Variants in PINX1 observed in about 807,000 individuals in gnomAD.
PINX1 encodes PIN2 (TERF1) interacting telomerase inhibitor 1.
PINX1 carries 34 observed loss-of-function variants against 25.4 expected under a neutral mutation model. The observed-to-expected ratio is 1.34, with a 90% CI of 1.02 to 1.78. The LOEUF is 1.78. PINX1 is among the 40% of genes most tolerant of loss of function. The pLI is 0.00. For synonymous variants in PINX1, 197 were observed against 147.7 expected, an observed-to-expected ratio of 1.33 and a Z score of -2.42; for missense variants, 592 against 404.9, an observed-to-expected ratio of 1.46 and a Z score of -3.97.
chr8:10,822,698 T>C (rs1055466326), intron 5 of PINX1, among the ~76,000 whole-genome samples: 1 of 152,174 alleles, frequency 6.6e-6, no homozygotes, highest in Non-Finnish European at 1.5e-5. Context: ...AAACTTTCAT[T>C]GACACGAGAA....
chr8:10,821,190 C>T (rs915324523), intron 5 of PINX1, among the ~76,000 whole-genome samples: 3 of 152,222 alleles, frequency 2.0e-5, no homozygotes, highest in East Asian at 1.9e-4. Context: ...CGAGTTCCAC[C>T]GTCACAGACT....
rs746601664 is a variant in PINX1 at position 10,826,187 on chromosome 8, G to A, written c.359C>T (p.Ser120Phe). 1.3e-6 allele frequency: 2 copies of A among 1,594,362 alleles called. No individual in the cohort carries two copies. Among genetic ancestry groups the A allele is most frequent in the Non-Finnish European group, 8.6e-7 (1 of 1,165,824 alleles). ...TTTCATATAGTGAACACGGTTTTTG[G>A]AGATTTTGGACTTTTCCTCAAGGCT... is the stretch of plus-strand genomic sequence containing the variant. ...SFSLEEKSKI[S>F]KNRVHYMKFT... The change falls in exon 5 of 7, where the codon TCC becomes TTC. Residue 120 changes from serine (S) to phenylalanine (F), a missense_variant. By Grantham distance (155) the Ser-to-Phe change is radical (BLOSUM62 -2). Coordinates refer to ENST00000314787, the MANE Select transcript of PINX1 (RefSeq NM_017884.6).
chr8:10,772,023 T>C (rs1008006953), intron 6 of PINX1, among the ~76,000 whole-genome samples: 10 of 152,172 alleles, frequency 6.6e-5, no homozygotes, highest in Non-Finnish European at 1.3e-4. Context: ...GACAAGTCAA[T>C]TGGAAAAAAG....
intron 5 of PINX1, among the ~76,000 whole-genome samples, chr8:10,820,770 TAACTC>T (rs1474024683): frequency 1.3e-5 from 2 of 152,276 alleles, no homozygotes; most frequent in Non-Finnish European, 2.9e-5. Flanking sequence ...TCTTAATAAT[TAACTC>T]AACAAATAAA....
intron 6 of PINX1, among the ~76,000 whole-genome samples, chr8:10,785,664 A>T (rs910755507): frequency 6.6e-6 from 1 of 152,206 alleles, no homozygotes; most frequent in South Asian, 2.1e-4. Context: ...CAAACCCCAA[A>T]CTCAAATAAG....
chr8:10,778,530 C>A lies in PINX1; in HGVS notation c.472-12614G>T, dbSNP rs917356516. ...CCTTACTTTCTAACGGAGCACTTTT[C>A]CAATGCCAGCATGTTGTTTTATGAA... On this transcript the variant is annotated intron_variant, in intron 6 of 6. Transcript: ENST00000314787. Among the ~76,000 whole-genome samples, 18 of 152,240 alleles carry A rather than the reference C, an allele frequency of 1.2e-4. 2 individuals carry two copies. The highest frequency in any genetic ancestry group is 9.2e-4 in the Admixed American group (14 of 15,296).
intron 6 of PINX1, among the ~76,000 whole-genome samples, chr8:10,784,426 C>T (rs938885327): frequency 2.7e-4 from 41 of 152,164 alleles, no homozygotes; most frequent in African/African-American, 9.2e-4. Context: ...CAAGTTTCAG[C>T]GCTACCTAGA....
intron 6 of PINX1, among the ~76,000 whole-genome samples, chr8:10,802,371 A>AGG (rs1802293409): frequency 6.6e-6 from 1 of 152,190 alleles, no homozygotes; most frequent in South Asian, 2.1e-4. Flanking sequence ...ACTTCACCCC[A>AGG]CAGACAAGAA....
chr8:10,795,467 C>A (rs1802056580), intron 6 of PINX1, among the ~76,000 whole-genome samples: 1 of 152,236 alleles, frequency 6.6e-6, no homozygotes, highest in Non-Finnish European at 1.5e-5. Context: ...GTGGCGCGAT[C>A]TCGGCTCAGT....
At chr8:10,794,615 C>T (rs996701405) in intron 6 of PINX1, among the ~76,000 whole-genome samples, 1 of 151,996 alleles carries the variant, frequency 6.6e-6, no homozygotes, top group Admixed American at 6.6e-5. Flanking sequence ...TTAGTAGAGA[C>T]GGGGTTTCAC....
intron 5 of PINX1, among the ~76,000 whole-genome samples, chr8:10,820,848 T>C (rs1797845623): frequency 6.6e-6 from 1 of 152,248 alleles, no homozygotes; most frequent in South Asian, 2.1e-4. Context: ...TTCAGATTTT[T>C]CTTCTTAAAA....
chr8:10,770,770 G>C (rs1444819972), intron 6 of PINX1, among the ~76,000 whole-genome samples: 1 of 152,168 alleles, frequency 6.6e-6, no homozygotes, highest in South Asian at 2.1e-4. Flanking sequence ...CCCTACTTAT[G>C]ATCAACATGC....
intron 6 of PINX1, among the ~76,000 whole-genome samples, chr8:10,815,937 G>A (rs1392467619): frequency 2.6e-5 from 4 of 152,128 alleles, no homozygotes; most frequent in Admixed American, 2.6e-4. Flanking sequence ...TTTAGCACTG[G>A]GTAGTGACCC....
Position 10,829,205 on chromosome 8 carries a change from G to A in PINX1, c.301+2460C>T, listed in dbSNP as rs572611543. On this transcript the variant is annotated intron_variant, in intron 4 of 6. Transcript: ENST00000314787. Reference sequence around the variant, plus strand: ...GGAGGCTGAGGCAGGAGAATCGCTTGAACCCGGGAGGCGGAGGTTGCGGTA... The same window carrying A: ...GGAGGCTGAGGCAGGAGAATCGCTTAAACCCGGGAGGCGGAGGTTGCGGTA... Among the ~76,000 whole-genome samples, 13 of 148,000 alleles carry A rather than the reference G, an allele frequency of 8.8e-5. No individual in the cohort carries two copies. In the East Asian group the frequency reaches 2.4e-3, roughly 28 times the overall value.
chr8:10,788,522 G>A (rs1185848538), intron 6 of PINX1, among the ~76,000 whole-genome samples: 1 of 151,924 alleles, frequency 6.6e-6, no homozygotes, highest in African/African-American at 2.4e-5. Context: ...CCAAGATCGT[G>A]CCACTGCACT....
chr8:10,784,967 G>T (rs1450837042), intron 6 of PINX1, among the ~76,000 whole-genome samples: 1 of 152,146 alleles, frequency 6.6e-6, no homozygotes, highest in African/African-American at 2.4e-5. Flanking sequence ...TAGAGGCTCA[G>T]GTGGCTTCAG....
At position 10,806,848 on chromosome 8, in the gene PINX1, G is replaced by A. The variant is rs146455804; in HGVS notation, c.471+13345C>T. ...TCCCCACTAGTCCACCAGAGCCCAC[G>A]TCCATGGCCCCAGCGAGAGGGCTTC... On this transcript the variant is annotated intron_variant, in intron 6 of 6. Coordinates refer to ENST00000314787, the MANE Select transcript of PINX1 (RefSeq NM_017884.6). Among the ~76,000 whole-genome samples the A allele has an allele frequency of 1.4e-4, 21 of 152,254 alleles. No individual in the cohort carries two copies. The East Asian group carries it at 3.1e-3, about 22-fold the overall frequency.
At chr8:10,767,360 G>T (rs1023949951) in intron 6 of PINX1, among the ~76,000 whole-genome samples, 1 of 151,932 alleles carries the variant, frequency 6.6e-6, no homozygotes, top group East Asian at 1.9e-4. Flanking sequence ...ATGGACAATT[G>T]GGCCTTCAGT....
intron 4 of PINX1, among the ~76,000 whole-genome samples, chr8:10,827,190 T>C (rs1798079403): frequency 6.6e-6 from 1 of 152,208 alleles, no homozygotes; most frequent in African/African-American, 2.4e-5. Flanking sequence ...AATAAAAAGT[T>C]CCTTTAAAAA....
Sources: allele counts gnomAD v4.1 joint callset (sites outside exome capture counted in the v4.1 genomes callset), GRCh38; gene constraint gnomAD v4.1.1; transcripts MANE v1.5; gene names NCBI Gene and HGNC (gene_info 2026-07-23, HGNC 2026-07-21).